SGCD: variants seen among roughly 807,000 people sequenced by gnomAD.
SGCD encodes the protein sarcoglycan delta.
In SGCD, 18 loss-of-function variants were observed where a neutral mutation model predicts 36.6. That is an observed-to-expected ratio of 0.49 (90% confidence interval 0.34 to 0.73). SGCD has a LOEUF of 0.73. Among genes scored for constraint, SGCD ranks in the 30% least tolerant of loss-of-function variants. The pLI, the probability that SGCD is intolerant of heterozygous loss-of-function variation, is 0.01. For synonymous variants in SGCD, 133 were observed against 130.6 expected (o/e 1.02, Z -0.12); for missense variants, 387 against 346.7 (o/e 1.12, Z -0.92).
chr5:155,795,903 T>C, the SGCD span, among the ~76,000 whole-genome samples: 1 of 152,152 alleles, frequency 6.6e-6, no homozygotes, highest in Admixed American at 6.5e-5. Flanking sequence ...AGTACATAAT[T>C]ATACAGAAGG....
chr5:156,020,076 G>A (rs1025823677), intron 1 of SGCD, among the ~76,000 whole-genome samples: 8 of 152,096 alleles, frequency 5.3e-5, no homozygotes, highest in East Asian at 3.9e-4. Flanking sequence ...TGCCCAGATC[G>A]ACTGTAAAAC....
chr5:155,844,338 A>G, the SGCD span, among the ~76,000 whole-genome samples: 1 of 151,844 alleles, frequency 6.6e-6, no homozygotes, highest in Non-Finnish European at 1.5e-5. Context: ...CATTTTCCTT[A>G]ATAAAGTTCT....
chr5:156,291,382 A>G (rs977152044), intron 3 of SGCD, among the ~76,000 whole-genome samples: 5 of 152,138 alleles, frequency 3.3e-5, no homozygotes, highest in Non-Finnish European at 7.4e-5. Context: ...GTAAAATATG[A>G]TGTATCACTA....
the SGCD span, among the ~76,000 whole-genome samples, chr5:155,860,950 A>G: frequency 6.6e-6 from 1 of 152,220 alleles, no homozygotes; most frequent in African/African-American, 2.4e-5. Context: ...CATATAATAA[A>G]TGAGTTCTGA....
chr5:156,669,760 G>A (rs1753211529), intron 7 of SGCD, among the ~76,000 whole-genome samples: 1 of 152,134 alleles, frequency 6.6e-6, no homozygotes, highest in Non-Finnish European at 1.5e-5. Context: ...TTAGGCACCT[G>A]CTATTCATGA....
At chr5:156,482,813 GTT>G (rs3074979) in intron 3 of SGCD, among the ~76,000 whole-genome samples, 1 of 83,380 alleles carries the variant, frequency 1.2e-5, no homozygotes, top group Non-Finnish European at 2.1e-5. Context: ...CTTTTGGTCA[GTT>G]TTTTTTTTTT....
At chr5:155,773,367 A>G in the SGCD span, among the ~76,000 whole-genome samples, 1 of 152,120 alleles carries the variant, frequency 6.6e-6, no homozygotes, top group South Asian at 2.1e-4. Flanking sequence ...CTTCATAAAG[A>G]CGGGGTCTCA....
chr5:156,046,220 A>C (rs976584548), intron 1 of SGCD, among the ~76,000 whole-genome samples: 10 of 152,156 alleles, frequency 6.6e-5, no homozygotes, highest in African/African-American at 2.4e-4. Flanking sequence ...AATGAAACAG[A>C]ATATCTATAG....
intron 1 of SGCD, among the ~76,000 whole-genome samples, chr5:155,871,436 T>C (rs1755653610): frequency 6.6e-6 from 1 of 152,032 alleles, no homozygotes; most frequent in Non-Finnish European, 1.5e-5. Flanking sequence ...ATTTGTGACA[T>C]ACCAGACCTT....
chr5:156,515,619 G>C lies in SGCD; in HGVS notation c.294+6917G>C, dbSNP rs1008193808. ...TGTGCTACCCTGCCAAGGAAACCAA[G>C]ATTTACCCACATATCTGTGCAACCC... On this transcript the variant is annotated intron_variant, in intron 4 of 8. Transcript: ENST00000337851. Among the ~76,000 whole-genome samples, 8 of 152,334 alleles carry C rather than the reference G, an allele frequency of 5.3e-5. No homozygotes were observed. The South Asian group carries it at 1.7e-3, about 32-fold the overall frequency.
the SGCD span, among the ~76,000 whole-genome samples, chr5:155,775,846 C>T: frequency 1.3e-4 from 20 of 152,198 alleles, no homozygotes; most frequent in East Asian, 3.3e-3. Context: ...CACAGCATTA[C>T]CTGGGCCAAT....
intron 4 of SGCD, among the ~76,000 whole-genome samples, chr5:156,522,302 C>T (rs1000065568): frequency 1.3e-5 from 2 of 152,072 alleles, no homozygotes; most frequent in African/African-American, 4.8e-5. Context: ...TGTATCAAAC[C>T]TGCACGTTGT....
At position 156,765,956 on chromosome 5, in the gene SGCD, T is replaced by G. The variant is rs1373155451; in HGVS notation, c.*6566T>G. The G allele has an allele frequency of 2.0e-5, 3 of 149,050 alleles. No individual in the cohort carries two copies. Among genetic ancestry groups the G allele is most frequent in the Non-Finnish European group, 4.4e-5 (3 of 67,474 alleles). The allele number at this position is 149,050 out of a possible 1,614,324, so 9.2% of individuals were successfully genotyped here. ...AGTATAGATACCTAAGGGGAAAATATAGAAAGCCTGCCTGAATAATAGAAT... is the reference window on the plus strand; with the variant it reads ...AGTATAGATACCTAAGGGGAAAATAGAGAAAGCCTGCCTGAATAATAGAAT... On this transcript the variant is annotated 3_prime_UTR_variant, in exon 9 of 9. Coordinates refer to ENST00000337851, the MANE Select transcript of SGCD (RefSeq NM_000337.6).
intron 1 of SGCD, among the ~76,000 whole-genome samples, chr5:156,098,639 TAC>T (rs35247485): frequency 0.17 from 25,261 of 149,074 alleles, 3,328 homozygotes; most frequent in East Asian, 0.46. Context: ...TGCATGTGTA[TAC>T]ACACACACAC....
At chr5:156,333,095 G>C (rs2127705468) in intron 2 of SGCD, among the ~76,000 whole-genome samples, 1 of 152,302 alleles carries the variant, frequency 6.6e-6, no homozygotes, top group East Asian at 1.9e-4. Context: ...CCAAAAACGA[G>C]ATGAGCATTT....
chr5:156,533,410 C>T (rs1474880583), intron 4 of SGCD, among the ~76,000 whole-genome samples: 2 of 152,148 alleles, frequency 1.3e-5, no homozygotes, highest in African/African-American at 4.8e-5. Flanking sequence ...GAAAAAATGC[C>T]ATGATATTCT....
intron 3 of SGCD, among the ~76,000 whole-genome samples, chr5:156,159,945 T>C (rs1418551164): frequency 2.6e-5 from 4 of 151,632 alleles, no homozygotes; most frequent in Non-Finnish European, 5.9e-5. Context: ...CTGACATATT[T>C]TTCTTAAGTC....
At chr5:156,180,504 A>G (rs1581151329) in intron 3 of SGCD, among the ~76,000 whole-genome samples, 2 of 152,336 alleles carry the variant, frequency 1.3e-5, no homozygotes, top group African/African-American at 4.8e-5. Flanking sequence ...TTAATAAAAA[A>G]TCAATATATG....
intron 7 of SGCD, among the ~76,000 whole-genome samples, chr5:156,753,883 C>T (rs560412396): frequency 8.5e-5 from 13 of 152,242 alleles, no homozygotes; most frequent in Non-Finnish European, 1.8e-4. Context: ...TGGGACACAG[C>T]CAAACCATAT....
Sources: allele counts gnomAD v4.1 joint callset (sites outside exome capture counted in the v4.1 genomes callset), GRCh38; gene constraint gnomAD v4.1.1; transcripts MANE v1.5; gene names NCBI Gene and HGNC (gene_info 2026-07-23, HGNC 2026-07-21).